Variants in ZNF469 observed in about 807,000 individuals in gnomAD.
The protein encoded by ZNF469 is zinc finger protein 469.
In ZNF469, 1 loss-of-function variant was observed where a neutral mutation model predicts 1.0. The ratio of observed to expected loss-of-function variants is 1.00; its 90% CI spans 0.35 to 4.73. The LOEUF is 4.73. Ranked by LOEUF, ZNF469 falls within the 30% of genes most tolerant of loss-of-function variation. The probability of loss-of-function intolerance (pLI) is 0.16; values close to 1 mark genes in which losing one functional copy is unlikely to be tolerated. For synonymous variants in ZNF469, 2,703 were observed against 2,363.4 expected (o/e 1.14, Z -4.17); for missense variants, 6,100 against 5,356.3 (o/e 1.14, Z -4.33).
intron 1 of ZNF469, among the ~76,000 whole-genome samples, chr16:88,389,993 G>A (rs966987049): frequency 2.6e-5 from 4 of 152,228 alleles, no homozygotes; most frequent in Non-Finnish European, 5.9e-5. Flanking sequence ...GCCCCGCTAC[G>A]CTGCCAGAGA....
chr16:88,338,264 G>C, the ZNF469 span, among the ~76,000 whole-genome samples: 1 of 152,166 alleles, frequency 6.6e-6, no homozygotes, highest in Admixed American at 6.5e-5. Context: ...GCTGCTGACT[G>C]TAGTGCAGTA....
chr16:88,428,803 G>A lies in ZNF469; in HGVS notation c.1333G>A (p.Ala445Thr). 6.5e-7 allele frequency: 1 copy of A among 1,546,920 alleles called. No individual in the cohort carries two copies. The highest frequency in any genetic ancestry group is 8.7e-7 in the Non-Finnish European group (1 of 1,146,098). ...GCTGCCCCAGCTGTGGGACCCCACA[G>A]CAGCCCCTTACCCCACACCTCCTGG... ...ARLPQLWDPT[A>T]APYPTPPGGP... Residue 445 changes from alanine (A) to threonine (T), a missense_variant, in exon 3 of 3, where the codon GCA (alanine) becomes ACA (threonine). Coordinates refer to ENST00000565624, the MANE Select transcript of ZNF469 (RefSeq NM_001367624.2).
chr16:88,141,053 G>T, the ZNF469 span, among the ~76,000 whole-genome samples: 1 of 152,190 alleles, frequency 6.6e-6, no homozygotes, highest in Non-Finnish European at 1.5e-5. Flanking sequence ...CAGAGGCATC[G>T]TTGGGCCAAT....
the ZNF469 span, among the ~76,000 whole-genome samples, chr16:88,298,472 C>T: frequency 1.3e-5 from 2 of 152,220 alleles, no homozygotes; most frequent in Admixed American, 1.3e-4. Context: ...GCCACCAGTC[C>T]AGACAGCCCA....
chr16:88,107,275 C>T, the ZNF469 span, among the ~76,000 whole-genome samples: 1,506 of 152,322 alleles, frequency 9.9e-3, 27 homozygotes, highest in African/African-American at 0.035. Context: ...GTTTAATTGA[C>T]TCACAGTTCA....
At position 88,430,199 on chromosome 16, in the gene ZNF469, C is replaced by A. The variant is rs770131798; in HGVS notation, c.2729C>A (p.Thr910Asn). The A allele has an allele frequency of 6.5e-7, 1 of 1,545,826 alleles. No homozygotes were observed. Residue 910 changes from threonine to asparagine, a missense_variant, in exon 3 of 3, where the codon ACC becomes AAC. Thr to Asn is a moderately conservative substitution (Grantham distance 65). Transcript: ENST00000565624. ...CCAGCAGCCACGCCGGACCCCCAAA[C>A]CCCCCGCCCTGGGGACAGGGGCTGC... Reference protein sequence around the residue: ...PLPAATPDPQTPRPGDRGCPA... With the variant: ...PLPAATPDPQNPRPGDRGCPA...
chr16:88,380,461 ACACACATGCACT>A (rs1247591158), upstream of ZNF469, among the ~76,000 whole-genome samples: 2 of 133,050 alleles, frequency 1.5e-5, no homozygotes, highest in African/African-American at 7.1e-5. Flanking sequence ...AGACATGCAC[ACACACATGCACT>A]CACACATACG....
chr16:88,431,910 G>A lies in ZNF469; in HGVS notation c.4440G>A (p.Leu1480=), dbSNP rs755586686. Residue 1480 remains leucine, a synonymous_variant, in exon 3 of 3, where the codon CTG becomes CTA. Coordinates refer to ENST00000565624, the MANE Select transcript of ZNF469 (RefSeq NM_001367624.2). ...TGTCTGCGAACAGGGACTCCGGTCT[G>A]CCGTTCGCATGTGCCGACCCTCCCC... ...GSLSANRDSG[L]PFACADPPQK... 2.6e-6 allele frequency: 4 copies of A among 1,549,576 alleles called. No individual in the cohort carries two copies. Among genetic ancestry groups the A allele is most frequent in the African/African-American group, 1.4e-5 (1 of 73,032 alleles).
At chr16:88,419,726 C>T (rs1317955407) in intron 1 of ZNF469, among the ~76,000 whole-genome samples, 1 of 152,252 alleles carries the variant, frequency 6.6e-6, no homozygotes, top group African/African-American at 2.4e-5. Flanking sequence ...CCCCCAACGC[C>T]ATGCCTGAGA....
chr16:88,212,858 A>G, the ZNF469 span, among the ~76,000 whole-genome samples: 2 of 152,202 alleles, frequency 1.3e-5, no homozygotes, highest in South Asian at 4.1e-4. Context: ...TGCTGGAATT[A>G]CAGGTGTGAG....
chr16:88,264,719 C>T, the ZNF469 span, among the ~76,000 whole-genome samples: 1 of 152,248 alleles, frequency 6.6e-6, no homozygotes, highest in South Asian at 2.1e-4. Flanking sequence ...AGCACAGGTC[C>T]CCGCTCCCCC....
the ZNF469 span, among the ~76,000 whole-genome samples, chr16:88,227,906 C>A: frequency 1.6e-4 from 25 of 152,102 alleles, no homozygotes; most frequent in African/African-American, 5.8e-4. Flanking sequence ...TATTATGGGA[C>A]CTTGGCTCAC....
chr16:88,236,614 C>A, the ZNF469 span, among the ~76,000 whole-genome samples: 154 of 152,358 alleles, frequency 1.0e-3, no homozygotes, highest in African/African-American at 3.6e-3. Context: ...CGCCTGTAAT[C>A]CCAGCACTTT....
chr16:88,386,216 AGTGT>A (rs1296334918), intron 1 of ZNF469, among the ~76,000 whole-genome samples: 4 of 152,058 alleles, frequency 2.6e-5, no homozygotes, highest in Non-Finnish European at 5.9e-5. Flanking sequence ...GACCTGGGAG[AGTGT>A]GACCAGCCCG....
At chr16:88,239,690 TA>T in the ZNF469 span, among the ~76,000 whole-genome samples, 1 of 5,616 alleles carries the variant, frequency 1.8e-4, no homozygotes, top group African/African-American at 8.2e-4. Context: ...TATATATATA[TA>T]TATATATATA....
chr16:88,123,945 A>G, the ZNF469 span, among the ~76,000 whole-genome samples: 7 of 152,326 alleles, frequency 4.6e-5, no homozygotes, highest in South Asian at 1.2e-3. Context: ...CTGGGATTAC[A>G]GGCATGTGCC....
At chr16:88,229,662 G>C in the ZNF469 span, among the ~76,000 whole-genome samples, 1 of 13,952 alleles carries the variant, frequency 7.2e-5, no homozygotes, top group African/African-American at 8.1e-5. Flanking sequence ...TCACGCGTGT[G>C]GATGTCGCGT....
Position 88,430,394 on chromosome 16 carries a change from C to T in ZNF469, c.2924C>T (p.Ala975Val), listed in dbSNP as rs746332381. 2.0e-6 allele frequency: 3 copies of T among 1,519,300 alleles called. No individual in the cohort carries two copies. In the South Asian group the frequency reaches 3.6e-5, roughly 18 times the overall value. The allele number at this position is 1,519,300 out of a possible 1,614,324, so 94.1% of individuals were successfully genotyped here. A position where few individuals can be genotyped will look rare whatever the true frequency, so the allele number is the denominator to read the frequency against. ...EGSGSGGGGR[A>V]SGLRPRRNDG... ...TCGGGGTCGGGCGGCGGCGGCAGAG[C>T]CTCCGGCCTGAGGCCCCGGAGGAAC... The change falls in exon 3 of 3, where the codon GCC becomes GTC. Residue 975 changes from alanine to valine, a missense_variant. Physicochemically the swap from Ala to Val is moderately conservative, Grantham distance 64. Coordinates refer to ENST00000565624, the MANE Select transcript of ZNF469 (RefSeq NM_001367624.2).
At chr16:88,135,748 G>GTTTTTTTC in the ZNF469 span, among the ~76,000 whole-genome samples, 179 of 66,682 alleles carry the variant, frequency 2.7e-3, 56 homozygotes, top group Non-Finnish European at 4.1e-3. Flanking sequence ...AGCTGGCCAT[G>GTTTTTTTC]TTTTTTTTTT....
Sources: gnomAD v4.1 joint callset for allele counts (sites outside exome capture counted in the v4.1 genomes callset) on GRCh38, gnomAD v4.1.1 for gene constraint, MANE v1.5 for transcripts, NCBI Gene and HGNC (gene_info 2026-07-23, HGNC 2026-07-21) for gene names.